Variants in NRCAM observed in about 807,000 individuals in gnomAD.
NRCAM encodes NgCAM-related cell adhesion molecule.
NRCAM carries 83 observed loss-of-function variants against 156.5 expected under a neutral mutation model. That is an observed-to-expected ratio of 0.53 (90% CI 0.44 to 0.64). The LOEUF (loss-of-function observed/expected upper bound fraction) is 0.64, where lower values mean the gene tolerates loss of function less well. Ranked by LOEUF, NRCAM falls within the 30% of genes least tolerant of loss-of-function variation. The pLI is 0.00. For missense variants in NRCAM, 1,417 were observed against 1,597.3 expected (o/e 0.89, Z 1.92); for synonymous variants, 538 against 563.9 (o/e 0.95, Z 0.65).
intron 2 of NRCAM, among the ~76,000 whole-genome samples, chr7:108,358,816 C>T (rs2099527306): frequency 6.6e-6 from 1 of 152,196 alleles, no homozygotes; most frequent in African/African-American, 2.4e-5. Context: ...GGAATTCTGC[C>T]TGAGGCCAAA....
At chr7:108,249,935 C>T (rs55843101) in intron 3 of NRCAM, among the ~76,000 whole-genome samples, 61,543 of 151,964 alleles carry the variant, frequency 0.4, 13,476 homozygotes, top group African/African-American at 0.56. Flanking sequence ...GACCATACAA[C>T]CCACAATTCC....
intron 2 of NRCAM, among the ~76,000 whole-genome samples, chr7:108,367,859 C>T (rs2154336090): frequency 6.6e-6 from 1 of 152,226 alleles, no homozygotes; most frequent in Non-Finnish European, 1.5e-5. Flanking sequence ...ATTTTTATTA[C>T]TAAAAGTTAC....
intron 3 of NRCAM, among the ~76,000 whole-genome samples, chr7:108,296,390 G>C (rs1249241548): frequency 6.6e-6 from 1 of 152,122 alleles, no homozygotes; most frequent in African/African-American, 2.4e-5. Flanking sequence ...TGAAACCTCA[G>C]AGGTTTCATT....
At chr7:108,389,096 A>G (rs532656332) in intron 2 of NRCAM, among the ~76,000 whole-genome samples, 63 of 152,280 alleles carry the variant, frequency 4.1e-4, no homozygotes, top group African/African-American at 1.5e-3. Flanking sequence ...TTCTGTGAAG[A>G]AAGTCATTGG....
intron 2 of NRCAM, among the ~76,000 whole-genome samples, chr7:108,360,270 T>C (rs2099540398): frequency 6.6e-6 from 1 of 152,044 alleles, no homozygotes; most frequent in Admixed American, 6.6e-5. Context: ...ACTATAAACT[T>C]ACCCTCCCCA....
At position 108,182,966 on chromosome 7, in the gene NRCAM, G is replaced by A. The variant is rs125686; in HGVS notation, c.2305-46C>T. On this transcript the variant is annotated intron_variant, in intron 22 of 32. Coordinates refer to ENST00000379028, the MANE Select transcript of NRCAM (RefSeq NM_001037132.4). ...CCAGAGCTTATAACACAAATCAACT[G>A]CACAATCTTTTACAGGAACAGCAAA... The A allele has an allele frequency of 6.7e-4, 987 of 1,476,800 alleles. 6 individuals carry two copies. The African/African-American group carries it at 0.011, about 17-fold the overall frequency. 91.5% of individuals were successfully genotyped at this position (1,476,800 alleles called of 1,614,324 possible).
intron 3 of NRCAM, among the ~76,000 whole-genome samples, chr7:108,273,873 T>G (rs1374989822): frequency 6.6e-6 from 1 of 152,240 alleles, no homozygotes; most frequent in Non-Finnish European, 1.5e-5. Context: ...TTTATGGTTT[T>G]GGGCCTAACA....
At chr7:108,156,338 T>G in intron 32 of NRCAM, 2 of 984,994 alleles carry the variant, frequency 2.0e-6, no homozygotes, top group Non-Finnish European at 2.4e-6. Flanking sequence ...TGACCTAGGT[T>G]TATTCTGGTT....
In NRCAM at chr7:108,176,700, G is replaced by C. The variant is rs2060617230; in HGVS notation, c.2975-94C>G. The C allele has an allele frequency of 6.3e-6, 6 of 953,404 alleles. No individual in the cohort carries two copies. In the South Asian group the frequency reaches 1.0e-4, roughly 16 times the overall value. The allele number at this position is 953,404 out of a possible 1,614,324, so 59.1% of individuals were successfully genotyped here. On this transcript the variant is annotated intron_variant, in intron 26 of 32. Transcript: ENST00000379028. The stretch of plus-strand genomic sequence containing the variant: ...TACGTCAACTAAAAATGTTCAACCT[G>C]GCTTACATTGACTTTTATAATCCCA...
chr7:108,276,386 T>C (rs2097611986), intron 3 of NRCAM, among the ~76,000 whole-genome samples: 1 of 152,076 alleles, frequency 6.6e-6, no homozygotes, highest in Non-Finnish European at 1.5e-5. Flanking sequence ...TTGTAGGTCT[T>C]TAAGAACTTG....
intron 3 of NRCAM, among the ~76,000 whole-genome samples, chr7:108,256,691 T>C (rs891762839): frequency 6.6e-6 from 1 of 152,000 alleles, no homozygotes; most frequent in African/African-American, 2.4e-5. Context: ...CAAAAGACCA[T>C]CTATGATTCT....
chr7:108,296,624 C>T (rs1036467312), intron 3 of NRCAM, among the ~76,000 whole-genome samples: 2 of 152,074 alleles, frequency 1.3e-5, no homozygotes, highest in African/African-American at 4.8e-5. Context: ...ACCCTGATAT[C>T]AAATATGAAT....
intron 1 of NRCAM, among the ~76,000 whole-genome samples, chr7:108,430,340 A>G (rs1823378164): frequency 6.6e-6 from 1 of 152,206 alleles, no homozygotes; most frequent in Non-Finnish European, 1.5e-5. Context: ...TCCAGGCATG[A>G]GACCACAGTG....
chr7:108,440,352 T>G (rs1000927661), intron 1 of NRCAM, among the ~76,000 whole-genome samples: 3 of 152,210 alleles, frequency 2.0e-5, no homozygotes, highest in African/African-American at 7.2e-5. Flanking sequence ...AGTACCATAA[T>G]TCCATTTTTT....
intron 1 of NRCAM, among the ~76,000 whole-genome samples, chr7:108,439,149 CAT>C (rs1245081575): frequency 1.3e-5 from 2 of 152,008 alleles, no homozygotes; most frequent in African/African-American, 4.8e-5. Context: ...TAAGAGAAAA[CAT>C]GTGAGTAAAT....
At chr7:108,299,129 AGAAAGAAAG>A (rs2098531744) in intron 3 of NRCAM, among the ~76,000 whole-genome samples, 1 of 109,872 alleles carries the variant, frequency 9.1e-6, no homozygotes, top group Non-Finnish European at 1.9e-5. Context: ...AAAGAAAGAA[AGAAAGAAAG>A]AAAAGAAAAG....
intron 11 of NRCAM, among the ~76,000 whole-genome samples, chr7:108,213,982 G>A (rs2086276876): frequency 6.6e-6 from 1 of 152,174 alleles, no homozygotes; most frequent in African/African-American, 2.4e-5. Flanking sequence ...TTGATGTGCT[G>A]CTGGATTCAG....
chr7:108,194,957 T>C (rs186082431), intron 15 of NRCAM, among the ~76,000 whole-genome samples: 13 of 152,332 alleles, frequency 8.5e-5, no homozygotes, highest in Admixed American at 5.2e-4. Context: ...GGGGATGGTC[T>C]GAAGTGGGGA....
chr7:108,433,411 T>A (rs1360342557), intron 1 of NRCAM, among the ~76,000 whole-genome samples: 3 of 152,170 alleles, frequency 2.0e-5, no homozygotes, highest in East Asian at 3.9e-4. Context: ...CTCCCCAAAG[T>A]GTGGTTTGGG....
Sources: gnomAD v4.1 joint callset for allele counts (sites outside exome capture counted in the v4.1 genomes callset) on GRCh38, gnomAD v4.1.1 for gene constraint, MANE v1.5 for transcripts, NCBI Gene and HGNC (gene_info 2026-07-23, HGNC 2026-07-21) for gene names.